The following TPO variants were observed in gnomAD, a reference collection of about 807,000 sequenced individuals.
The protein encoded by TPO is thyroid microsomal antigen.
Under a neutral mutation model 96.9 loss-of-function variants are expected in TPO, and 78 were observed. The observed-to-expected ratio is 0.81, with a 90% CI of 0.67 to 0.97. The LOEUF is 0.97. TPO is among the 50% of genes least tolerant of loss of function. The pLI, the probability that TPO is intolerant of heterozygous loss-of-function variation, is 0.00. For synonymous variants in TPO, 547 were observed against 538.0 expected, an observed-to-expected ratio of 1.02 and a Z score of -0.23; for missense variants, 1,252 against 1,274.8, an observed-to-expected ratio of 0.98 and a Z score of 0.27.
At chr2:1,406,184 A>G (rs898576276) in intron 1 of TPO, among the ~76,000 whole-genome samples, 1 of 152,174 alleles carries the variant, frequency 6.6e-6, no homozygotes, top group Non-Finnish European at 1.5e-5. Flanking sequence ...TCCTCTAGAA[A>G]TTACTTAAGT....
At position 1,542,984 on chromosome 2, in the gene TPO, C is replaced by T. The variant is rs1417012788; in HGVS notation, c.*510C>T. 1.3e-5 allele frequency: 3 copies of T among 228,240 alleles called. No homozygotes were observed. Among genetic ancestry groups the T allele is most frequent in the Non-Finnish European group, 2.6e-5 (3 of 114,026 alleles). The allele number at this position is 228,240 out of a possible 1,614,324, so 14.1% of individuals were successfully genotyped here. ...GTGATTCTGAGGGAGAGGCTGGAGCCTTAAGGACCAACAAGGCAAAGTGAC... is the reference window on the plus strand; with the variant it reads ...GTGATTCTGAGGGAGAGGCTGGAGCTTTAAGGACCAACAAGGCAAAGTGAC... On this transcript the variant is annotated 3_prime_UTR_variant, in exon 17 of 17. Transcript: ENST00000329066.
At chr2:1,435,585 G>A (rs1665486218) in intron 4 of TPO, among the ~76,000 whole-genome samples, 1 of 151,872 alleles carries the variant, frequency 6.6e-6, no homozygotes, top group Admixed American at 6.6e-5. Context: ...AGAAGTAATC[G>A]ATGATTACCT....
chr2:1,419,168 A>G (rs1049890096), intron 2 of TPO, among the ~76,000 whole-genome samples: 2 of 152,174 alleles, frequency 1.3e-5, no homozygotes, highest in African/African-American at 4.8e-5. Flanking sequence ...TCAGAGCAGG[A>G]GCAATCTTGA....
chr2:1,438,485 C>A (rs530499301), intron 5 of TPO, among the ~76,000 whole-genome samples: 15 of 152,266 alleles, frequency 9.9e-5, no homozygotes, highest in African/African-American at 3.6e-4. Context: ...TCCTTTTCTG[C>A]CTGCTGCCTT....
In TPO at chr2:1,414,487, A is replaced by C; in HGVS notation, c.79A>C (p.Lys27Gln). 1 of 1,613,966 alleles carries C rather than the reference A, an allele frequency of 6.2e-7. No individual in the cohort carries two copies. ...CTTCTTCCCCTTCATCTCGAGAGGG[A>C]AAGAACTCCTTTGGGGTAAGTAGCA... ...EAFFPFISRG[K>Q]ELLWGKPEES... The change falls in exon 2 of 17, where the codon AAA (lysine) becomes CAA (glutamine). Residue 27 changes from lysine (K) to glutamine (Q), a missense_variant. Coordinates refer to ENST00000329066, the MANE Select transcript of TPO (RefSeq NM_001206744.2).
chr2:1,484,957 G>A (rs1462861533), intron 9 of TPO, 103 bp downstream of exon 9: 1 of 1,546,600 alleles, frequency 6.5e-7, no homozygotes, highest in Non-Finnish European at 8.7e-7. Flanking sequence ...TGCACAACGT[G>A]CAGGTTTGTT....
chr2:1,384,547 T>C (rs555593445), intron 1 of TPO, among the ~76,000 whole-genome samples: 2 of 152,350 alleles, frequency 1.3e-5, no homozygotes, highest in South Asian at 4.1e-4. Context: ...CTTGTGATTT[T>C]TGCACATTGA....
intron 3 of TPO, among the ~76,000 whole-genome samples, chr2:1,425,505 C>A (rs1965407): frequency 0.25 from 38,307 of 151,232 alleles, 4,917 homozygotes; most frequent in Admixed American, 0.35. Context: ...CGTACTCCTT[C>A]TGTAAAGTCA....
In TPO at chr2:1,423,057, A is replaced by G. The variant is rs1189595740; in HGVS notation, c.107A>G (p.Glu36Gly). 2 of 1,614,134 alleles carry G rather than the reference A, an allele frequency of 1.2e-6. No homozygotes were observed. Among genetic ancestry groups the G allele is most frequent in the Non-Finnish European group, 1.7e-6 (2 of 1,180,014 alleles). ...TTCTGTTCCGTAGGAAAGCCTGAGG[A>G]GTCTCGTGTCTCTAGCGTCTTGGAG... is the stretch of plus-strand genomic sequence containing the variant. ...GKELLWGKPE[E>G]SRVSSVLEES... The change falls in exon 3 of 17, where the codon GAG (glutamate) becomes GGG (glycine). Residue 36 changes from glutamate to glycine, a missense_variant. Coordinates refer to ENST00000329066, the MANE Select transcript of TPO (RefSeq NM_001206744.2).
At chr2:1,410,451 G>A (rs1662316150), upstream of TPO, among the ~76,000 whole-genome samples, 1 of 152,220 alleles carries the variant, frequency 6.6e-6, no homozygotes, top group Admixed American at 6.5e-5. Context: ...CCTATTACAG[G>A]TGGTCCTGGG....
intron 14 of TPO, among the ~76,000 whole-genome samples, chr2:1,510,876 T>A (rs1276980694): frequency 6.6e-6 from 1 of 152,180 alleles, no homozygotes; most frequent in Non-Finnish European, 1.5e-5. Flanking sequence ...TAGGCACAGA[T>A]GCAGATATAT....
At chr2:1,432,020 A>G (rs1665024697) in intron 3 of TPO, among the ~76,000 whole-genome samples, 1 of 152,082 alleles carries the variant, frequency 6.6e-6, no homozygotes, top group Admixed American at 6.5e-5. Context: ...GTCCACTCAC[A>G]CACCTGCCGT....
At chr2:1,457,951 G>C (rs936340833) in intron 7 of TPO, among the ~76,000 whole-genome samples, 7 of 151,010 alleles carry the variant, frequency 4.6e-5, no homozygotes, top group African/African-American at 1.7e-4. Context: ...GATAGTGTGT[G>C]GGCACGTGTG....
At chr2:1,528,697 G>T (rs1199427257) in intron 15 of TPO, among the ~76,000 whole-genome samples, 1 of 97,894 alleles carries the variant, frequency 1.0e-5, no homozygotes, top group Non-Finnish European at 1.9e-5. Flanking sequence ...CCCCTACCTT[G>T]TGCAACCTCC....
intron 9 of TPO, 60 bp from the exon 10 acceptor site, chr2:1,487,758 ATAT>A (rs931386796): frequency 2.5e-6 from 4 of 1,586,678 alleles, no homozygotes; most frequent in African/African-American, 2.7e-5. Context: ...AAAAATTGAG[ATAT>A]TGTTGTTTCT....
chr2:1,423,317 T>C (rs904857900), intron 3 of TPO, among the ~76,000 whole-genome samples, 188 bp downstream of exon 3: 5 of 152,206 alleles, frequency 3.3e-5, no homozygotes, highest in Non-Finnish European at 7.3e-5. Context: ...AATCCTTTCT[T>C]AAGCAAGACA....
rs55869835 is a variant in TPO, at chr2:1,426,691, C to A, written c.179+3562C>A. 2.4e-3 allele frequency among the ~76,000 whole-genome samples: 368 copies of A among 152,308 alleles called. 1 individual carries two copies. Among genetic ancestry groups the A allele is most frequent in the African/African-American group, 8.4e-3 (349 of 41,560 alleles). On this transcript the variant is annotated intron_variant, in intron 3 of 16. Transcript: ENST00000329066. ...ATGCTCCTTCTGTAAAGACAGACACCTGAAGAAGGCACTTCATTTAGGGAT... is the reference window on the plus strand; with the variant it reads ...ATGCTCCTTCTGTAAAGACAGACACATGAAGAAGGCACTTCATTTAGGGAT...
rs544318916 is a variant in TPO, at chr2:1,475,313, T to C, written c.820-1773T>C. ...CGGTTTTCTTGGCTTTCCTACTCTT[T>C]TGCTGAATTTCAGCTCCTCCCTGGG... On this transcript the variant is annotated intron_variant, in intron 7 of 16. Transcript: ENST00000329066. Among the ~76,000 whole-genome samples the C allele has an allele frequency of 2.0e-5, 3 of 152,328 alleles. No homozygotes were observed. In the South Asian group the frequency reaches 6.2e-4, roughly 32 times the overall value.
chr2:1,543,483 C>T lies in TPO; in HGVS notation c.*1009C>T, dbSNP rs546844512. Reference sequence around the variant, plus strand: ...CAGGAGGGCTATGAACATTTTGCTTCAGGATGTTTTATTTCGCTCTACTGT... The same window carrying T: ...CAGGAGGGCTATGAACATTTTGCTTTAGGATGTTTTATTTCGCTCTACTGT... On this transcript the variant is annotated 3_prime_UTR_variant, in exon 17 of 17. Transcript: ENST00000329066. 1 of 152,236 alleles carries T rather than the reference C, an allele frequency of 6.6e-6. No individual in the cohort carries two copies. The highest frequency in any genetic ancestry group is 2.1e-4 in the South Asian group (1 of 4,812). The allele number at this position is 152,236 out of a possible 1,614,324, so 9.4% of individuals were successfully genotyped here.
Sources: gnomAD v4.1 joint callset for allele counts (sites outside exome capture counted in the v4.1 genomes callset) on GRCh38, gnomAD v4.1.1 for gene constraint, MANE v1.5 for transcripts, NCBI Gene and HGNC (gene_info 2026-07-23, HGNC 2026-07-21) for gene names.